The following WWOX variants were observed in gnomAD, a reference collection of about 807,000 sequenced individuals.
WWOX encodes the protein WW domain containing oxidoreductase, also known as WW domain-containing oxidoreductase.
In WWOX, 69 loss-of-function variants were observed where a neutral mutation model predicts 46.2. The ratio of observed to expected loss-of-function variants is 1.49; its 90% CI spans 1.23 to 1.82. WWOX has a LOEUF of 1.82. Among genes scored for constraint, WWOX ranks in the 40% most tolerant of loss-of-function variants. The probability of loss-of-function intolerance (pLI) is 0.00; values close to 1 mark genes in which losing one functional copy is unlikely to be tolerated. For missense variants in WWOX, 919 were observed against 542.6 expected (o/e 1.69, Z -6.89); for synonymous variants, 359 against 202.6 (o/e 1.77, Z -6.56).
At chr16:78,531,870 CAAAT>C (rs1490224441) in intron 8 of WWOX, among the ~76,000 whole-genome samples, 1 of 152,006 alleles carries the variant, frequency 6.6e-6, no homozygotes, top group African/African-American at 2.4e-5. Flanking sequence ...AATAAACAAA[CAAAT>C]AAATAAATAA....
chr16:78,929,240 G>A (rs1314284306), intron 8 of WWOX, among the ~76,000 whole-genome samples: 4 of 145,942 alleles, frequency 2.7e-5, no homozygotes, highest in Non-Finnish European at 4.5e-5. Flanking sequence ...GGGCTTTTAT[G>A]TTATCATACA....
At chr16:78,275,376 G>C (rs1015732406) in intron 5 of WWOX, among the ~76,000 whole-genome samples, 6 of 152,152 alleles carry the variant, frequency 3.9e-5, no homozygotes, top group Admixed American at 3.3e-4. Context: ...TGTGCCCACC[G>C]GGTCAGCTCA....
intron 8 of WWOX, among the ~76,000 whole-genome samples, chr16:78,882,590 C>T (rs537121779): frequency 6.7e-6 from 1 of 149,294 alleles, no homozygotes; most frequent in African/African-American, 2.5e-5. Context: ...GATCCTCTCT[C>T]CTCGCCTCCC....
At chr16:78,456,737 G>A (rs533113472) in intron 8 of WWOX, among the ~76,000 whole-genome samples, 2 of 152,308 alleles carry the variant, frequency 1.3e-5, no homozygotes, top group East Asian at 3.9e-4. Flanking sequence ...ATATCCACAT[G>A]TCTCAGTTTC....
At chr16:78,706,416 C>G (rs1272852070) in intron 8 of WWOX, among the ~76,000 whole-genome samples, 1 of 152,090 alleles carries the variant, frequency 6.6e-6, no homozygotes, top group Non-Finnish European at 1.5e-5. Flanking sequence ...CCTGAGCCTT[C>G]CCGATTCCAT....
rs538845194 is a variant in WWOX, at chr16:79,068,656, A to C, written c.1057-142952A>C. Among the ~76,000 whole-genome samples the C allele has an allele frequency of 3.6e-3, 548 of 151,720 alleles. 3 individuals carry two copies. The highest frequency in any genetic ancestry group is 0.02 in the Middle Eastern group (6 of 294). ...TCTCTACAAACAACAACAACAAAAA[A>C]AAAAATTAGCCAGGCGTGGGGGTGC... On this transcript the variant is annotated intron_variant, in intron 8 of 8. Coordinates refer to ENST00000566780, the MANE Select transcript of WWOX (RefSeq NM_016373.4).
intron 8 of WWOX, among the ~76,000 whole-genome samples, chr16:78,882,091 A>C (rs78972168): frequency 0.021 from 3,240 of 152,316 alleles, 109 homozygotes; most frequent in Admixed American, 0.092. Context: ...ACACCACTAC[A>C]TTCCAGCCTG....
chr16:78,398,135 A>G (rs2082330460), intron 6 of WWOX, among the ~76,000 whole-genome samples: 2 of 152,166 alleles, frequency 1.3e-5, no homozygotes, highest in African/African-American at 2.4e-5. Context: ...TATACCTCCA[A>G]ATTGATGGCG....
intron 8 of WWOX, among the ~76,000 whole-genome samples, chr16:78,606,181 T>G (rs1288044177): frequency 6.6e-6 from 1 of 152,226 alleles, no homozygotes; most frequent in African/African-American, 2.4e-5. Flanking sequence ...GGGCTATTAT[T>G]AAAACTTAAT....
intron 8 of WWOX, among the ~76,000 whole-genome samples, chr16:79,105,165 A>C (rs1364026271): frequency 6.6e-6 from 1 of 152,192 alleles, no homozygotes; most frequent in Admixed American, 6.5e-5. Context: ...AGCTATGAAC[A>C]GGAACAGAAC....
rs769488241 is a variant in WWOX, at chr16:78,321,402, A to ATATATATACGTATATATG, written c.517-65458_517-65457insTATATATACGTATATATG. ...TATGCGTATATATATACGTATATATACGTATATATATATGTGTGTATATAT... is the reference window on the plus strand; with the variant it reads ...TATGCGTATATATATACGTATATATATATATATACGTATATATGCGTATATATATATGTGTGTATATAT... On this transcript the variant is annotated intron_variant, in intron 5 of 8. Coordinates refer to ENST00000566780, the MANE Select transcript of WWOX (RefSeq NM_016373.4). Among the ~76,000 whole-genome samples, 62 of 125,328 alleles carry ATATATATACGTATATATG rather than the reference A, an allele frequency of 4.9e-4. 5 individuals carry two copies. The highest frequency in any genetic ancestry group is 8.9e-4 in the Non-Finnish European group (52 of 58,726). 82.2% of individuals were successfully genotyped at this position (125,328 alleles called of 152,430 possible). A position where few individuals can be genotyped will look rare whatever the true frequency, so the allele number is the denominator to read the frequency against.
chr16:78,858,376 A>G (rs1405070778), intron 8 of WWOX, among the ~76,000 whole-genome samples: 2 of 151,990 alleles, frequency 1.3e-5, no homozygotes, highest in East Asian at 1.9e-4. Flanking sequence ...GTATGTATAT[A>G]TATGTATGTA....
At chr16:78,775,676 T>C (rs1023897142) in intron 8 of WWOX, among the ~76,000 whole-genome samples, 4 of 152,170 alleles carry the variant, frequency 2.6e-5, no homozygotes, top group African/African-American at 9.6e-5. Context: ...CTTAGTAATA[T>C]GGTGCGAGCA....
At chr16:79,174,589 A>T (rs1386190505) in intron 8 of WWOX, among the ~76,000 whole-genome samples, 1 of 152,224 alleles carries the variant, frequency 6.6e-6, no homozygotes, top group Non-Finnish European at 1.5e-5. Flanking sequence ...CAGAGGTTTC[A>T]GTGAGCCGAG....
At chr16:78,424,395 C>T (rs561387570) in intron 6 of WWOX, among the ~76,000 whole-genome samples, 2 of 152,196 alleles carry the variant, frequency 1.3e-5, no homozygotes, top group East Asian at 1.9e-4. Context: ...GCTGGGATTA[C>T]AGGCGTGAGC....
chr16:79,208,966 G>T (rs2051617507), intron 8 of WWOX, among the ~76,000 whole-genome samples: 1 of 152,194 alleles, frequency 6.6e-6, no homozygotes, highest in South Asian at 2.1e-4. Context: ...ATCTGAGAAG[G>T]AGAATTTGCC....
rs144336198 is a variant in WWOX, at chr16:78,737,432, C to T, written c.1056+304680C>T. ...GATTACAGGTGTGAGCCACAATGCCCAGCCTTATATATGTATTTATTAAGT... is the reference window on the plus strand; with the variant it reads ...GATTACAGGTGTGAGCCACAATGCCTAGCCTTATATATGTATTTATTAAGT... On this transcript the variant is annotated intron_variant, in intron 8 of 8. Transcript: ENST00000566780. Among the ~76,000 whole-genome samples, 423 of 152,140 alleles carry T rather than the reference C, an allele frequency of 2.8e-3. 4 individuals carry two copies. Among genetic ancestry groups the T allele is most frequent in the Middle Eastern group, 0.017 (5 of 294 alleles).
rs749992495 is a variant in WWOX at position 78,887,077 on chromosome 16, GGTGTGTGTGTGTGTGTGTGTGTGTGTGT to G, written c.1057-324500_1057-324473del. 3.1e-4 allele frequency among the ~76,000 whole-genome samples: 19 copies of G among 61,368 alleles called. 1 individual carries two copies. The highest frequency in any genetic ancestry group is 5.0e-4 in the East Asian group (1 of 2,012). 40.3% of individuals were successfully genotyped at this position (61,368 alleles called of 152,430 possible). ...AGTCTGGCTATATGTGTGTGTGTGT[GGTGTGTGTGTGTGTGTGTGTGTGTGTGT>G]GTGTGTGTGTGTGTGTGTGTGTGTG... On this transcript the variant is annotated intron_variant, in intron 8 of 8. Coordinates refer to ENST00000566780, the MANE Select transcript of WWOX (RefSeq NM_016373.4).
chr16:78,462,433 C>G (rs1364203779), intron 8 of WWOX, among the ~76,000 whole-genome samples: 6 of 152,164 alleles, frequency 3.9e-5, no homozygotes, highest in African/African-American at 1.4e-4. Context: ...TTGCAGCGCA[C>G]TTGCCAGCAT....
Sources: allele counts gnomAD v4.1 joint callset (sites outside exome capture counted in the v4.1 genomes callset), GRCh38; gene constraint gnomAD v4.1.1; transcripts MANE v1.5; gene names NCBI Gene and HGNC (gene_info 2026-07-23, HGNC 2026-07-21).